The following TEAD4 variants were observed in gnomAD, a reference collection of about 807,000 sequenced individuals.
TEAD4 encodes TEA domain transcription factor 4.
Under a neutral mutation model 52.4 loss-of-function variants are expected in TEAD4, and 36 were observed. The observed-to-expected ratio is 0.69, with a 90% CI of 0.53 to 0.91. TEAD4 has a LOEUF of 0.91. Among genes scored for constraint, TEAD4 ranks in the 40% least tolerant of loss-of-function variants. The probability of loss-of-function intolerance (pLI) is 0.00; values close to 1 mark genes in which losing one functional copy is unlikely to be tolerated. For missense variants in TEAD4, 508 were observed against 583.9 expected, an observed-to-expected ratio of 0.87 and a Z score of 1.34; for synonymous variants, 220 against 231.0, an observed-to-expected ratio of 0.95 and a Z score of 0.43.
At chr12:3,006,207 C>A (rs1199021482) in intron 3 of TEAD4, among the ~76,000 whole-genome samples, 2 of 152,040 alleles carry the variant, frequency 1.3e-5, no homozygotes, top group African/African-American at 4.8e-5. Context: ...AAGTTCGAAA[C>A]TTTTTGAGAT....
chr12:3,027,190 G>A (rs11613687), intron 10 of TEAD4, among the ~76,000 whole-genome samples: 1 of 151,964 alleles, frequency 6.6e-6, no homozygotes, highest in African/African-American at 2.4e-5. Context: ...GAGGGGTTTC[G>A]CTATGTTGGC....
intron 10 of TEAD4, among the ~76,000 whole-genome samples, chr12:3,022,243 C>T (rs1449102529): frequency 4.6e-5 from 7 of 152,088 alleles, no homozygotes; most frequent in African/African-American, 1.4e-4. Flanking sequence ...CCTTGTCTCA[C>T]GGGTGGGGAT....
chr12:3,035,318 T>C (rs114482772), intron 10 of TEAD4, among the ~76,000 whole-genome samples: 51 of 152,342 alleles, frequency 3.3e-4, no homozygotes, highest in African/African-American at 1.2e-3. Context: ...CATTGATGCC[T>C]GGCCTCACCT....
At chr12:3,029,462 T>G (rs2098274141) in intron 10 of TEAD4, among the ~76,000 whole-genome samples, 1 of 152,032 alleles carries the variant, frequency 6.6e-6, no homozygotes, top group Admixed American at 6.6e-5. Context: ...ATGGTCTCGA[T>G]CTCCTGACCT....
At chr12:2,970,834 G>T (rs2098224405) in intron 2 of TEAD4, among the ~76,000 whole-genome samples, 1 of 152,244 alleles carries the variant, frequency 6.6e-6, no homozygotes, top group South Asian at 2.1e-4. Context: ...AGCATCCTCG[G>T]AAATGCTCCG....
intron 2 of TEAD4, among the ~76,000 whole-genome samples, chr12:2,992,479 T>TG (rs2098243965): frequency 6.6e-6 from 1 of 152,138 alleles, no homozygotes; most frequent in South Asian, 2.1e-4. Context: ...AGTGCCTCTC[T>TG]GTGAAGGAAA....
At chr12:3,014,998 T>C (rs1000446101) in intron 5 of TEAD4, among the ~76,000 whole-genome samples, 8 of 152,140 alleles carry the variant, frequency 5.3e-5, no homozygotes, top group African/African-American at 1.7e-4. Context: ...CTCCTGAAAA[T>C]TCCAAGTGTC....
At chr12:3,018,955 C>G (rs558644933) in intron 7 of TEAD4, among the ~76,000 whole-genome samples, 160 bp from the exon 8 acceptor site, 1 of 152,184 alleles carries the variant, frequency 6.6e-6, no homozygotes, top group East Asian at 1.9e-4. Flanking sequence ...GCCACGAAAC[C>G]CAGGGGAGTC....
chr12:3,006,096 A>T (rs1213891560), intron 3 of TEAD4, among the ~76,000 whole-genome samples: 1 of 152,252 alleles, frequency 6.6e-6, no homozygotes, highest in Non-Finnish European at 1.5e-5. Flanking sequence ...TATTTGATTC[A>T]ATCATTGCAG....
At chr12:3,027,642 G>A (rs895727389) in intron 10 of TEAD4, among the ~76,000 whole-genome samples, 2 of 152,194 alleles carry the variant, frequency 1.3e-5, no homozygotes, top group African/African-American at 4.8e-5. Flanking sequence ...CGAGGCGGGT[G>A]GATTGCTTGA....
In TEAD4 at chr12:2,980,736, TA is replaced by T. The variant is rs1210823772; in HGVS notation, c.-29-13989del. ...TGACAGAGCAAGACTCTGTCTCAAT[TA>T]AAAAAAAAAAAAGTTGGCAAAATAG... On this transcript the variant is annotated intron_variant, in intron 2 of 12. Transcript: ENST00000359864. 3.7e-3 allele frequency among the ~76,000 whole-genome samples: 518 copies of T among 138,300 alleles called. 1 individual carries two copies. The highest frequency in any genetic ancestry group is 6.2e-3 in the African/African-American group (233 of 37,680). 90.7% of individuals were successfully genotyped at this position (138,300 alleles called of 152,430 possible).
At position 3,024,668 on chromosome 12, in the gene TEAD4, CAAAA is replaced by C. The variant is rs976933750; in HGVS notation, c.897+2654_897+2657del. Among the ~76,000 whole-genome samples the C allele has an allele frequency of 3.0e-4, 45 of 152,064 alleles. No homozygotes were observed. The East Asian group carries it at 6.0e-3, about 20-fold the overall frequency. ...AAGACCCTGCCTCAAAACAAAAAAACAAAAAACAAAACAAAAGTACAAAGAGTCA... is the reference window on the plus strand; with the variant it reads ...AAGACCCTGCCTCAAAACAAAAAAACAACAAAACAAAAGTACAAAGAGTCA... On this transcript the variant is annotated intron_variant, in intron 10 of 12. Coordinates refer to ENST00000359864, the MANE Select transcript of TEAD4 (RefSeq NM_003213.4).
At position 2,994,130 on chromosome 12, in the gene TEAD4, A is replaced by G. The variant is rs2098245302; in HGVS notation, c.-29-608A>G. ...TGCTCTGTCACCCAGGCTGGAGTGTAGTGGCGGGATCTCGGCTCACTGCAA... is the reference window on the plus strand; with the variant it reads ...TGCTCTGTCACCCAGGCTGGAGTGTGGTGGCGGGATCTCGGCTCACTGCAA... On this transcript the variant is annotated intron_variant, in intron 2 of 12. Transcript: ENST00000359864. The surrounding 1 kb of genome is among the most constrained non-coding windows in gnomAD (Gnocchi z 4.7). Among the ~76,000 whole-genome samples the G allele has an allele frequency of 6.6e-6, 1 of 152,176 alleles. No individual in the cohort carries two copies. Among genetic ancestry groups the G allele is most frequent in the Admixed American group, 6.5e-5 (1 of 15,274 alleles).
chr12:3,031,929 TCTC>T (rs149987822), intron 10 of TEAD4, among the ~76,000 whole-genome samples: 3,156 of 152,236 alleles, frequency 0.021, 103 homozygotes, highest in African/African-American at 0.072. Flanking sequence ...TCCTGGAGCT[TCTC>T]CTGCTCCCAC....
At chr12:3,037,886 C>G in intron 10 of TEAD4, 82 bp from the exon 11 acceptor site, 2 of 1,517,256 alleles carry the variant, frequency 1.3e-6, no homozygotes, top group Non-Finnish European at 1.8e-6. Context: ...GAGCCGGGAC[C>G]GGGACCCTGA....
intron 3 of TEAD4, among the ~76,000 whole-genome samples, chr12:3,003,041 C>A (rs1185966666): frequency 6.6e-6 from 1 of 152,220 alleles, no homozygotes; most frequent in Non-Finnish European, 1.5e-5. Flanking sequence ...CCAACACACA[C>A]ACCCTGGCCC....
At chr12:3,017,158 T>C (rs1391598893) in intron 5 of TEAD4, 12 of 670,218 alleles carry the variant, frequency 1.8e-5, no homozygotes, top group Non-Finnish European at 3.0e-5. Flanking sequence ...CTCTGTAAGC[T>C]CTGATGAAAG....
intron 3 of TEAD4, among the ~76,000 whole-genome samples, chr12:2,998,102 C>T (rs1276628771): frequency 6.6e-6 from 1 of 152,100 alleles, no homozygotes; most frequent in Non-Finnish European, 1.5e-5. Context: ...CAACATTTGC[C>T]CTTTTGTGAC....
chr12:2,983,958 A>T (rs1015655569), intron 2 of TEAD4, among the ~76,000 whole-genome samples: 3 of 152,190 alleles, frequency 2.0e-5, no homozygotes, highest in African/African-American at 7.2e-5. Context: ...GAATCTGCTA[A>T]GGTTGGAGTC....
Sources: allele counts gnomAD v4.1 joint callset (sites outside exome capture counted in the v4.1 genomes callset), GRCh38; gene constraint gnomAD v4.1.1; non-coding constraint Gnocchi (gnomAD v3.1); transcripts MANE v1.5; gene names NCBI Gene and HGNC (gene_info 2026-07-23, HGNC 2026-07-21).